Variants in C7orf78 observed in about 807,000 individuals in gnomAD.
C7orf78 encodes the protein putative uncharacterized protein C7orf78.
the C7orf78 span, among the ~76,000 whole-genome samples, chr7:12,532,945 G>T: frequency 6.6e-6 from 1 of 152,246 alleles, no homozygotes; most frequent in African/African-American, 2.4e-5. Context: ...AGATGGGTAA[G>T]AATTTGTTTT....
chr7:12,511,228 G>T, the C7orf78 span, among the ~76,000 whole-genome samples: 1 of 151,952 alleles, frequency 6.6e-6, no homozygotes, highest in Non-Finnish European at 1.5e-5. Context: ...TCTCTATTCT[G>T]TACCTGTGGT....
the C7orf78 span, among the ~76,000 whole-genome samples, chr7:12,503,180 G>A: frequency 9.6e-5 from 13 of 135,460 alleles, 1 homozygote; most frequent in Non-Finnish European, 1.4e-4. Context: ...ACATGTATAT[G>A]TATGTAACTA....
chr7:12,493,030 C>T, the C7orf78 span, among the ~76,000 whole-genome samples: 37 of 152,176 alleles, frequency 2.4e-4, no homozygotes, highest in African/African-American at 8.9e-4. Flanking sequence ...TGGCAAAAAA[C>T]CATCTCTACA....
the C7orf78 span, among the ~76,000 whole-genome samples, chr7:12,518,734 G>T: frequency 2.6e-5 from 4 of 152,156 alleles, no homozygotes; most frequent in African/African-American, 9.7e-5. Flanking sequence ...GCCTGATGGT[G>T]TGCAGGGGGA....
chr7:12,528,021 G>C, the C7orf78 span, among the ~76,000 whole-genome samples: 6 of 148,698 alleles, frequency 4.0e-5, no homozygotes, highest in African/African-American at 1.5e-4. Flanking sequence ...CCATCTAGCT[G>C]TGTAATTGAA....
chr7:12,489,870 G>T, the C7orf78 span, among the ~76,000 whole-genome samples: 1 of 152,088 alleles, frequency 6.6e-6, no homozygotes, highest in South Asian at 2.1e-4. Flanking sequence ...AGTGACAGGT[G>T]GCATCGACAT....
the C7orf78 span, among the ~76,000 whole-genome samples, chr7:12,488,144 T>G: frequency 1.3e-5 from 2 of 152,074 alleles, no homozygotes; most frequent in Non-Finnish European, 2.9e-5. Context: ...AAATATTCAG[T>G]GCCCCTGATA....
At chr7:12,540,166 G>T in the C7orf78 span, among the ~76,000 whole-genome samples, 3 of 152,164 alleles carry the variant, frequency 2.0e-5, no homozygotes, top group Admixed American at 6.5e-5. Context: ...CTGTCTCCTA[G>T]TTTTAGCTTT....
chr7:12,497,667 A>G, the C7orf78 span, among the ~76,000 whole-genome samples: 18 of 151,902 alleles, frequency 1.2e-4, no homozygotes, highest in East Asian at 7.8e-4. Flanking sequence ...AGGGGCGCCC[A>G]CCATTGCCCA....
At chr7:12,536,836 A>T in the C7orf78 span, among the ~76,000 whole-genome samples, 4 of 152,180 alleles carry the variant, frequency 2.6e-5, no homozygotes, top group African/African-American at 9.7e-5. Flanking sequence ...TCTCTTGGCT[A>T]AAACATGACA....
At chr7:12,505,487 T>G in the C7orf78 span, among the ~76,000 whole-genome samples, 1 of 152,126 alleles carries the variant, frequency 6.6e-6, no homozygotes, top group Non-Finnish European at 1.5e-5. Context: ...GATACAGAGA[T>G]TTGAAAATGC....
chr7:12,522,862 C>CT, the C7orf78 span: 6 of 396,106 alleles, frequency 1.5e-5, no homozygotes, highest in African/African-American at 2.1e-5. Context: ...CATTTCTGAG[C>CT]TTTTTCCTGC....
chr7:12,500,768 A>C, the C7orf78 span, among the ~76,000 whole-genome samples: 1 of 150,754 alleles, frequency 6.6e-6, no homozygotes, highest in African/African-American at 2.5e-5. Flanking sequence ...CCGGGCAGAG[A>C]CACAACCAAA....
the C7orf78 span, among the ~76,000 whole-genome samples, chr7:12,522,444 T>C: frequency 3.7e-4 from 57 of 152,270 alleles, no homozygotes; most frequent in African/African-American, 1.3e-3. Flanking sequence ...AATGTACTCA[T>C]GATGGTTTAG....
chr7:12,524,260 C>T, the C7orf78 span, among the ~76,000 whole-genome samples: 9 of 152,026 alleles, frequency 5.9e-5, no homozygotes, highest in East Asian at 9.7e-4. Flanking sequence ...TTTTAAGCAA[C>T]GAACGAAACA....
the C7orf78 span, among the ~76,000 whole-genome samples, chr7:12,506,361 T>C: frequency 8.4e-6 from 1 of 118,866 alleles, no homozygotes; most frequent in Non-Finnish European, 1.9e-5. Flanking sequence ...ATTACGGCAC[T>C]ATTCACAATG....
the C7orf78 span, among the ~76,000 whole-genome samples, chr7:12,519,642 A>T: frequency 6.6e-6 from 1 of 152,226 alleles, no homozygotes; most frequent in Non-Finnish European, 1.5e-5. Context: ...AAAGCTCATC[A>T]GCTCTGGAAA....
chr7:12,505,530 G>C, the C7orf78 span, among the ~76,000 whole-genome samples: 2 of 152,086 alleles, frequency 1.3e-5, no homozygotes, highest in South Asian at 4.1e-4. Flanking sequence ...ACTGATCCTT[G>C]AGGTATAAAT....
At chr7:12,517,937 G>T in the C7orf78 span, among the ~76,000 whole-genome samples, 2 of 152,142 alleles carry the variant, frequency 1.3e-5, no homozygotes, top group Non-Finnish European at 2.9e-5. Flanking sequence ...TCCTTTGGGG[G>T]TGTCATATTT....
Sources: gnomAD v4.1 joint callset for allele counts (sites outside exome capture counted in the v4.1 genomes callset) on GRCh38, gnomAD v4.1.1 for gene constraint, MANE v1.5 for transcripts, NCBI Gene and HGNC (gene_info 2026-07-23, HGNC 2026-07-21) for gene names.